AKAIN1: variants seen among roughly 807,000 people sequenced by gnomAD.
AKAIN1 encodes the protein A-kinase anchor inhibitor 1.
In AKAIN1, 3 loss-of-function variants were observed where a neutral mutation model predicts 3.7. That is an observed-to-expected ratio of 0.82 (90% confidence interval 0.37 to 2.12). AKAIN1 has a LOEUF of 2.12. AKAIN1 is among the 30% of genes most tolerant of loss of function. The probability of loss-of-function intolerance (pLI) is 0.06; values close to 1 mark genes in which losing one functional copy is unlikely to be tolerated. For synonymous variants in AKAIN1, 31 were observed against 30.8 expected, an observed-to-expected ratio of 1.01 and a Z score of -0.02; for missense variants, 82 against 82.7, an observed-to-expected ratio of 0.99 and a Z score of 0.03.
At chr18:5,148,336 C>T (rs2071060885) in intron 1 of AKAIN1, among the ~76,000 whole-genome samples, 1 of 152,128 alleles carries the variant, frequency 6.6e-6, no homozygotes, top group Non-Finnish European at 1.5e-5. Flanking sequence ...TAATATTGCC[C>T]TCATTTACCT....
intron 1 of AKAIN1, among the ~76,000 whole-genome samples, chr18:5,172,648 G>A (rs2071204345): frequency 6.6e-6 from 1 of 150,426 alleles, no homozygotes. Context: ...ACATATTTTA[G>A]GGAGGAATAA....
chr18:5,165,743 T>C (rs2071164386), intron 1 of AKAIN1, among the ~76,000 whole-genome samples: 1 of 152,068 alleles, frequency 6.6e-6, no homozygotes, highest in Admixed American at 6.6e-5. Context: ...ACCACTCCTC[T>C]TTCTAAGGCA....
At chr18:5,182,077 C>T (rs1032487415) in intron 1 of AKAIN1, among the ~76,000 whole-genome samples, 2 of 152,116 alleles carry the variant, frequency 1.3e-5, no homozygotes, top group African/African-American at 4.8e-5. Flanking sequence ...TTCAAGCATG[C>T]AGCTGCTAGC....
intron 1 of AKAIN1, among the ~76,000 whole-genome samples, chr18:5,166,200 G>A (rs908138323): frequency 3.3e-5 from 5 of 151,872 alleles, no homozygotes; most frequent in Admixed American, 1.3e-4. Context: ...CTACGTATAC[G>A]TCTTCTTCTA....
chr18:5,184,065 C>T (rs181730319), intron 1 of AKAIN1, among the ~76,000 whole-genome samples: 2 of 152,030 alleles, frequency 1.3e-5, no homozygotes, highest in East Asian at 1.9e-4. Context: ...TAATAGAACA[C>T]GAAAAGAACA....
chr18:5,162,638 G>A (rs916438020), intron 1 of AKAIN1, among the ~76,000 whole-genome samples: 2 of 138,984 alleles, frequency 1.4e-5, no homozygotes, highest in African/African-American at 5.9e-5. Context: ...GTGTGTGTGT[G>A]TGTGTGTGTG....
rs2071032597 is a variant in AKAIN1, at chr18:5,143,564, C to T, written c.*1998G>A. Among the ~76,000 whole-genome samples, 1 of 152,160 alleles carries T rather than the reference C, an allele frequency of 6.6e-6. No homozygotes were observed. On this transcript the variant is annotated 3_prime_UTR_variant, in exon 2 of 2. Transcript: ENST00000434239. Reference sequence around the variant, plus strand: ...AGGGCCCATTAAGGAAGCACTTCCCCTGGTCATGATATCTAGGGGTTTGAA... The same window carrying T: ...AGGGCCCATTAAGGAAGCACTTCCCTTGGTCATGATATCTAGGGGTTTGAA...
rs1360721610 is a variant in AKAIN1, at chr18:5,142,989, T to G, written c.*2573A>C. Among the ~76,000 whole-genome samples the G allele has an allele frequency of 6.6e-6, 1 of 152,174 alleles. No homozygotes were observed. Among genetic ancestry groups the G allele is most frequent in the African/African-American group, 2.4e-5 (1 of 41,438 alleles). ...ACATGAAAGGATTTCTTTCTTTAGA[T>G]CCACCCTAGGGGCAGGCAACAGAGA... On this transcript the variant is annotated 3_prime_UTR_variant, in exon 2 of 2. Transcript: ENST00000434239.
intron 1 of AKAIN1, among the ~76,000 whole-genome samples, chr18:5,169,348 C>T (rs770271391): frequency 6.6e-6 from 1 of 152,028 alleles, no homozygotes; most frequent in Non-Finnish European, 1.5e-5. Flanking sequence ...CAACTGGAGA[C>T]CATAGCCTAG....
intron 1 of AKAIN1, among the ~76,000 whole-genome samples, chr18:5,154,591 T>G (rs1453134608): frequency 6.6e-6 from 1 of 152,000 alleles, no homozygotes; most frequent in Non-Finnish European, 1.5e-5. Flanking sequence ...ACCAGACCCC[T>G]TCTTGGCCAA....
At chr18:5,191,471 A>C (rs1242676831) in intron 1 of AKAIN1, among the ~76,000 whole-genome samples, 1 of 152,200 alleles carries the variant, frequency 6.6e-6, no homozygotes, top group Non-Finnish European at 1.5e-5. Flanking sequence ...TGAAAGCTAC[A>C]AAATTCTGAT....
At chr18:5,187,999 C>T (rs769319311) in intron 1 of AKAIN1, among the ~76,000 whole-genome samples, 3 of 152,050 alleles carry the variant, frequency 2.0e-5, no homozygotes, top group Non-Finnish European at 4.4e-5. Context: ...CATTCCCATT[C>T]CAAAAGGGAG....
At chr18:5,186,916 C>T (rs191608888) in intron 1 of AKAIN1, among the ~76,000 whole-genome samples, 128 of 152,018 alleles carry the variant, frequency 8.4e-4, no homozygotes, top group African/African-American at 2.9e-3. Context: ...TAATTGGAGG[C>T]TAAACAATAC....
At chr18:5,148,792 G>A (rs1021145079) in intron 1 of AKAIN1, among the ~76,000 whole-genome samples, 3 of 152,120 alleles carry the variant, frequency 2.0e-5, no homozygotes, top group African/African-American at 7.2e-5. Context: ...GGGAGGCAGA[G>A]GTTGCAGTAA....
chr18:5,182,918 G>A (rs1039449174), intron 1 of AKAIN1, among the ~76,000 whole-genome samples: 1 of 152,040 alleles, frequency 6.6e-6, no homozygotes, highest in East Asian at 1.9e-4. Flanking sequence ...CTCTAACTCT[G>A]AAGAAAAGGT....
chr18:5,160,984 C>T (rs2071136200), intron 1 of AKAIN1, among the ~76,000 whole-genome samples: 1 of 120,558 alleles, frequency 8.3e-6, no homozygotes, highest in Non-Finnish European at 2.1e-5. Context: ...CAGCAAGTCT[C>T]TCCATTTTAC....
At chr18:5,168,414 G>A (rs1250547698) in intron 1 of AKAIN1, among the ~76,000 whole-genome samples, 1 of 152,078 alleles carries the variant, frequency 6.6e-6, no homozygotes, top group Non-Finnish European at 1.5e-5. Flanking sequence ...CCACTGTATT[G>A]TAGAAGAGGA....
rs999613491 is a variant in AKAIN1 at position 5,143,968 on chromosome 18, G to A, written c.*1594C>T. On this transcript the variant is annotated 3_prime_UTR_variant, in exon 2 of 2. Coordinates refer to ENST00000434239, the MANE Select transcript of AKAIN1 (RefSeq NM_001145194.2). ...GAATACCTTCATTCTCACTATGTATGCTATGCAATTATATCACATCAGTTA... is the reference window on the plus strand; with the variant it reads ...GAATACCTTCATTCTCACTATGTATACTATGCAATTATATCACATCAGTTA... 1.3e-5 allele frequency among the ~76,000 whole-genome samples: 2 copies of A among 152,164 alleles called. No homozygotes were observed. The highest frequency in any genetic ancestry group is 4.8e-5 in the African/African-American group (2 of 41,432).
chr18:5,182,214 A>T (rs549179859), intron 1 of AKAIN1, among the ~76,000 whole-genome samples: 3 of 152,258 alleles, frequency 2.0e-5, no homozygotes, highest in African/African-American at 7.2e-5. Flanking sequence ...CACAGGTAAC[A>T]TAGTGATCCA....
Sources: gnomAD v4.1 joint callset for allele counts (sites outside exome capture counted in the v4.1 genomes callset) on GRCh38, gnomAD v4.1.1 for gene constraint, MANE v1.5 for transcripts, NCBI Gene and HGNC (gene_info 2026-07-23, HGNC 2026-07-21) for gene names.